TMCC3: variants seen among roughly 807,000 people sequenced by gnomAD.
TMCC3 encodes transmembrane and coiled-coil domain protein 3.
TMCC3 carries 28 observed loss-of-function variants against 40.2 expected under a neutral mutation model. The ratio of observed to expected loss-of-function variants is 0.70; its 90% confidence interval spans 0.52 to 0.95. TMCC3 has a LOEUF of 0.95. TMCC3 is among the 40% of genes least tolerant of loss of function. The pLI is 0.00. For missense variants in TMCC3, 554 were observed against 615.2 expected, an observed-to-expected ratio of 0.90 and a Z score of 1.05; for synonymous variants, 255 against 248.5, an observed-to-expected ratio of 1.03 and a Z score of -0.25.
intron 1 of TMCC3, chr12:94,590,771 G>A (rs2068669160): frequency 2.1e-5 from 9 of 420,974 alleles, no homozygotes; most frequent in South Asian, 1.9e-4. Context: ...GGAGACTGGA[G>A]TTGCTCCTGT....
chr12:94,576,456 A>T (rs1028200367), intron 3 of TMCC3, among the ~76,000 whole-genome samples: 3 of 152,182 alleles, frequency 2.0e-5, no homozygotes, highest in Non-Finnish European at 2.9e-5. Context: ...GAAAATTCAT[A>T]AAAATGAAGC....
At chr12:94,595,264 G>T (rs1245775570) in intron 1 of TMCC3, among the ~76,000 whole-genome samples, 1 of 152,086 alleles carries the variant, frequency 6.6e-6, no homozygotes, top group Non-Finnish European at 1.5e-5. Context: ...CTTATTAAGA[G>T]GCTAGGTATG....
chr12:94,621,379 C>T (rs748428117), intron 1 of TMCC3, among the ~76,000 whole-genome samples: 3 of 152,204 alleles, frequency 2.0e-5, no homozygotes, highest in Non-Finnish European at 2.9e-5. Flanking sequence ...CAGCTTCAGG[C>T]AATCTCAGGG....
At chr12:94,629,765 A>T (rs1315395029) in intron 1 of TMCC3, among the ~76,000 whole-genome samples, 4 of 152,236 alleles carry the variant, frequency 2.6e-5, no homozygotes, top group Non-Finnish European at 5.9e-5. Flanking sequence ...GACCTGGAGC[A>T]AAATTAAGAA....
intron 3 of TMCC3, among the ~76,000 whole-genome samples, chr12:94,573,140 C>T (rs982239860): frequency 1.3e-5 from 2 of 152,180 alleles, no homozygotes; most frequent in East Asian, 1.9e-4. Context: ...TTCCAGTGTC[C>T]TTCTTCTCAG....
chr12:94,641,255 G>A lies in TMCC3; in HGVS notation c.78+9098C>T, dbSNP rs533902909. ...CACTGGATGCCTGGGTAGGGTGGGG[G>A]ATTGAGGGAGCAGCTCAGGCATCTG... is the stretch of plus-strand genomic sequence containing the variant. On this transcript the variant is annotated intron_variant, in intron 1 of 3. Coordinates refer to ENST00000261226, the MANE Select transcript of TMCC3 (RefSeq NM_020698.4). Among the ~76,000 whole-genome samples the A allele has an allele frequency of 2.6e-4, 39 of 152,232 alleles. 1 individual carries two copies. Among genetic ancestry groups the A allele is most frequent in the African/African-American group, 9.1e-4 (38 of 41,554 alleles).
At chr12:94,579,931 C>CT (rs1566314547) in intron 2 of TMCC3, among the ~76,000 whole-genome samples, 1 of 151,994 alleles carries the variant, frequency 6.6e-6, no homozygotes, top group Non-Finnish European at 1.5e-5. Flanking sequence ...TTCGATAGAA[C>CT]TGACGTTCAT....
intron 3 of TMCC3, among the ~76,000 whole-genome samples, chr12:94,576,220 A>G (rs1443350062): frequency 6.6e-6 from 1 of 152,256 alleles, no homozygotes; most frequent in Non-Finnish European, 1.5e-5. Context: ...ATTTCCCATC[A>G]GCTCTGATGT....
At chr12:94,582,846 T>TC (rs1228298410) in intron 1 of TMCC3, among the ~76,000 whole-genome samples, 1 of 151,938 alleles carries the variant, frequency 6.6e-6, no homozygotes, top group Non-Finnish European at 1.5e-5. Flanking sequence ...CACCAGTCAG[T>TC]CCCGGTCTCC....
intron 1 of TMCC3, among the ~76,000 whole-genome samples, chr12:94,612,370 G>T (rs1236464493): frequency 6.6e-6 from 1 of 151,988 alleles, no homozygotes; most frequent in Non-Finnish European, 1.5e-5. Context: ...GAGTGCAGTG[G>T]TGCGATCTCG....
At chr12:94,577,661 C>T (rs895777757) in intron 3 of TMCC3, among the ~76,000 whole-genome samples, 1 of 152,066 alleles carries the variant, frequency 6.6e-6, no homozygotes. Flanking sequence ...GAGTCCGTGT[C>T]GTGTAAATTG....
intron 1 of TMCC3, chr12:94,591,161 C>A: frequency 3.1e-6 from 1 of 324,952 alleles, no homozygotes; most frequent in Non-Finnish European, 6.0e-6. Context: ...TACGAGACTT[C>A]GTACAGTAGC....
chr12:94,603,273 T>G (rs2068763471), intron 1 of TMCC3, among the ~76,000 whole-genome samples: 1 of 151,998 alleles, frequency 6.6e-6, no homozygotes, highest in Admixed American at 6.6e-5. Flanking sequence ...TTAGTAGAGA[T>G]GGGGTTTTGC....
intron 1 of TMCC3, among the ~76,000 whole-genome samples, chr12:94,635,437 C>A (rs193207200): frequency 4.1e-4 from 62 of 152,288 alleles, no homozygotes; most frequent in African/African-American, 1.4e-3. Context: ...AGCAACAATA[C>A]ACATTCTATG....
At chr12:94,574,292 G>T (rs2068550356) in intron 3 of TMCC3, among the ~76,000 whole-genome samples, 1 of 151,878 alleles carries the variant, frequency 6.6e-6, no homozygotes, top group Non-Finnish European at 1.5e-5. Context: ...GGAGGTTGAG[G>T]CAGGAGAATC....
intron 1 of TMCC3, among the ~76,000 whole-genome samples, chr12:94,590,350 C>T (rs1425615690): frequency 2.0e-5 from 3 of 146,928 alleles, no homozygotes; most frequent in Non-Finnish European, 3.0e-5. Flanking sequence ...AAGTGATCCA[C>T]TTTGTTCCAT....
intron 3 of TMCC3, among the ~76,000 whole-genome samples, chr12:94,572,467 C>T (rs1050428357): frequency 1.4e-4 from 22 of 151,844 alleles, no homozygotes; most frequent in African/African-American, 3.9e-4. Flanking sequence ...CACGCCACCA[C>T]GCTTGGCTAA....
At chr12:94,617,968 A>G (rs2068856308) in intron 1 of TMCC3, among the ~76,000 whole-genome samples, 1 of 152,244 alleles carries the variant, frequency 6.6e-6, no homozygotes, top group African/African-American at 2.4e-5. Flanking sequence ...GTCATGTTAA[A>G]TAATGAATTC....
intron 2 of TMCC3, among the ~76,000 whole-genome samples, chr12:94,580,420 C>A (rs1268556161): frequency 1.3e-5 from 2 of 152,054 alleles, no homozygotes; most frequent in Admixed American, 6.6e-5. Context: ...GTTTAATGAG[C>A]AAACTACAGA....
Sources: gnomAD v4.1 joint callset for allele counts (sites outside exome capture counted in the v4.1 genomes callset) on GRCh38, gnomAD v4.1.1 for gene constraint, MANE v1.5 for transcripts, NCBI Gene and HGNC (gene_info 2026-07-23, HGNC 2026-07-21) for gene names.